The following ZNF684 variants were observed in gnomAD, a reference collection of about 807,000 sequenced individuals.
ZNF684 encodes hypothetical protein MGC27466.
In ZNF684, 13 loss-of-function variants were observed where a neutral mutation model predicts 12.8. That is an observed-to-expected ratio of 1.02 (90% CI 0.66 to 1.62). The LOEUF (loss-of-function observed/expected upper bound fraction) is 1.62, where lower values mean the gene tolerates loss of function less well. ZNF684 is among the 40% of genes most tolerant of loss of function. The probability of loss-of-function intolerance (pLI) is 0.00; values close to 1 mark genes in which losing one functional copy is unlikely to be tolerated. For synonymous variants in ZNF684, 118 were observed against 151.8 expected, an observed-to-expected ratio of 0.78 and a Z score of 1.64; for missense variants, 384 against 446.9, an observed-to-expected ratio of 0.86 and a Z score of 1.27.
At chr1:40,535,945 CA>C (rs1645981516) in intron 2 of ZNF684, among the ~76,000 whole-genome samples, 1 of 152,172 alleles carries the variant, frequency 6.6e-6, no homozygotes, top group African/African-American at 2.4e-5. Flanking sequence ...ATTCTGTTTA[CA>C]AAAACAGGAG....
chr1:40,548,129 A>C lies in ZNF684; in HGVS notation c.*669A>C, dbSNP rs1292808669. The C allele has an allele frequency of 6.6e-6, 1 of 152,262 alleles. No homozygotes were observed. Among genetic ancestry groups the C allele is most frequent in the Non-Finnish European group, 1.5e-5 (1 of 68,056 alleles). 9.4% of individuals were successfully genotyped at this position (152,262 alleles called of 1,614,324 possible). A position where few individuals can be genotyped will look rare whatever the true frequency, so the allele number is the denominator to read the frequency against. ...CAGTAAGTATTCAGTTGAGGAAAAGAATTATTTAAATATGTAAATAAATAA... is the reference window on the plus strand; with the variant it reads ...CAGTAAGTATTCAGTTGAGGAAAAGCATTATTTAAATATGTAAATAAATAA... On this transcript the variant is annotated 3_prime_UTR_variant, in exon 5 of 5. Coordinates refer to ENST00000372699, the MANE Select transcript of ZNF684 (RefSeq NM_152373.4).
rs1432783276 is a variant in ZNF684, at chr1:40,538,328, A to T, written c.16-2258A>T. ...TTTTCAAGGTTCATCCATGTTGTAG[A>T]TGTACCAGTGCTTGATTCCTCTTTT... On this transcript the variant is annotated intron_variant, in intron 2 of 4. Coordinates refer to ENST00000372699, the MANE Select transcript of ZNF684 (RefSeq NM_152373.4). Among the ~76,000 whole-genome samples, 4 of 152,156 alleles carry T rather than the reference A, an allele frequency of 2.6e-5. No homozygotes were observed. In the East Asian group the frequency reaches 7.7e-4, roughly 29 times the overall value.
chr1:40,543,319 C>T (rs148922009), intron 4 of ZNF684, among the ~76,000 whole-genome samples: 18 of 152,220 alleles, frequency 1.2e-4, no homozygotes, highest in African/African-American at 4.3e-4. Flanking sequence ...TAAATTATCC[C>T]CTTTATAACC....
At chr1:40,544,154 C>T (rs1646031445) in intron 4 of ZNF684, among the ~76,000 whole-genome samples, 1 of 151,620 alleles carries the variant, frequency 6.6e-6, no homozygotes, top group Admixed American at 6.6e-5. Flanking sequence ...CCTGTCATAG[C>T]AATGTGGGAG....
chr1:40,539,309 A>G (rs146238339), intron 2 of ZNF684, among the ~76,000 whole-genome samples: 3,724 of 152,186 alleles, frequency 0.024, 151 homozygotes, highest in African/African-American at 0.086. Flanking sequence ...GATTACAGGC[A>G]TGAGCCACTG....
In ZNF684 at chr1:40,539,506, TAAAAG is replaced by T. The variant is rs1325051444; in HGVS notation, c.16-1070_16-1066del. 2.6e-5 allele frequency among the ~76,000 whole-genome samples: 4 copies of T among 151,760 alleles called. No individual in the cohort carries two copies. In the East Asian group the frequency reaches 5.8e-4, roughly 22 times the overall value. ...TGACACAGCAAGACCCTATATCAAA[TAAAAG>T]AAAAGAAAAAAGAAAAAACGTCGTT... On this transcript the variant is annotated intron_variant, in intron 2 of 4. Transcript: ENST00000372699.
At chr1:40,533,519 G>A (rs962787992) in intron 2 of ZNF684, among the ~76,000 whole-genome samples, 3 of 152,192 alleles carry the variant, frequency 2.0e-5, no homozygotes, top group Admixed American at 6.5e-5. Context: ...TTTCTAATGA[G>A]TTTTCACATA....
chr1:40,542,405 C>T (rs894928291), intron 4 of ZNF684, among the ~76,000 whole-genome samples: 13 of 152,082 alleles, frequency 8.5e-5, no homozygotes, highest in African/African-American at 2.4e-4. Context: ...TGTCTTGTAG[C>T]GCAACTTTCT....
intron 2 of ZNF684, among the ~76,000 whole-genome samples, chr1:40,536,121 C>T (rs1458978113): frequency 6.6e-6 from 1 of 152,090 alleles, no homozygotes; most frequent in African/African-American, 2.4e-5. Flanking sequence ...TAGCCGGGTG[C>T]AGTGGCTCAC....
At chr1:40,543,542 C>T (rs182423892) in intron 4 of ZNF684, among the ~76,000 whole-genome samples, 229 of 151,726 alleles carry the variant, frequency 1.5e-3, no homozygotes, top group African/African-American at 5.2e-3. Flanking sequence ...CTGCAAGCTC[C>T]GCCTCCCGGG....
chr1:40,538,799 G>C (rs1442697002), intron 2 of ZNF684, among the ~76,000 whole-genome samples: 1 of 150,808 alleles, frequency 6.6e-6, no homozygotes, highest in Non-Finnish European at 1.5e-5. Context: ...CTCCAGCGTG[G>C]GTGACAGAGT....
rs959941154 is a variant in ZNF684, at chr1:40,546,868, C to G, written c.545C>G (p.Thr182Arg). 10 of 1,612,870 alleles carry G rather than the reference C, an allele frequency of 6.2e-6. No homozygotes were observed. The Middle Eastern group carries it at 4.9e-4, about 80-fold the overall frequency. The change falls in exon 5 of 5, where the codon ACA becomes AGA. Residue 182 changes from threonine (T) to arginine (R), a missense_variant. Thr to Arg is a moderately conservative substitution (Grantham distance 71). Transcript: ENST00000372699. ...TTCATTAGACATGAAAAAAATCATACAAGGAAAAAACCTTTTGAATGCAAT... is the reference window on the plus strand; with the variant it reads ...TTCATTAGACATGAAAAAAATCATAGAAGGAAAAAACCTTTTGAATGCAAT... ...FHFIRHEKNH[T>R]RKKPFECNDC...
At position 40,541,601 on chromosome 1, in the gene ZNF684, T is replaced by A; in HGVS notation, c.143-14T>A. ...CACTTTGGCCCCACTTCTATGCTGT[T>A]TTCCCACCAACAGGATGTCCAATTA... On this transcript the variant is annotated splice_polypyrimidine_tract_variant and intron_variant, in intron 3 of 4. Coordinates refer to ENST00000372699, the MANE Select transcript of ZNF684 (RefSeq NM_152373.4). 6.2e-7 allele frequency: 1 copy of A among 1,610,672 alleles called. No homozygotes were observed. The highest frequency in any genetic ancestry group is 8.5e-7 in the Non-Finnish European group (1 of 1,177,834).
chr1:40,543,199 TGTTTA>T (rs1458705586), intron 4 of ZNF684, among the ~76,000 whole-genome samples: 5 of 152,232 alleles, frequency 3.3e-5, no homozygotes, highest in Non-Finnish European at 7.3e-5. Flanking sequence ...GTATCTAGAC[TGTTTA>T]TGTTACTGTT....
intron 2 of ZNF684, among the ~76,000 whole-genome samples, chr1:40,537,480 C>T (rs1222215648): frequency 6.6e-6 from 1 of 152,206 alleles, no homozygotes; most frequent in East Asian, 1.9e-4. Flanking sequence ...TGGCTCATAC[C>T]TGTAATCCCA....
Position 40,547,226 on chromosome 1 carries a change from TA to T in ZNF684, c.904del (p.Ile302SerfsTer46). The T allele has an allele frequency of 6.2e-7, 1 of 1,614,238 alleles. No individual in the cohort carries two copies. Among genetic ancestry groups the T allele is most frequent in the South Asian group, 1.1e-5 (1 of 91,090 alleles). Reference protein sequence around the residue: ...FHTGEKPYQCIICGKAFGNTS... With the variant: ...FHTGEKPYQCXICGKAFGNTS... ...ATACAGGAGAGAAACCCTACCAGTG[TA>T]TCATATGTGGCAAAGCTTTTGGCAA... On this transcript the variant is annotated frameshift_variant, in exon 5 of 5. Coordinates refer to ENST00000372699, the MANE Select transcript of ZNF684 (RefSeq NM_152373.4). LOFTEE classifies it low-confidence loss of function (END_TRUNC).
intron 2 of ZNF684, among the ~76,000 whole-genome samples, chr1:40,539,124 G>A (rs939871122): frequency 2.0e-5 from 3 of 151,474 alleles, no homozygotes; most frequent in African/African-American, 4.8e-5. Flanking sequence ...CCGCCTCTCG[G>A]GTTCAAGCAA....
In ZNF684 at chr1:40,533,567, G is replaced by A. The variant is rs1488768932; in HGVS notation, c.15+386G>A. 2.6e-5 allele frequency among the ~76,000 whole-genome samples: 4 copies of A among 152,174 alleles called. No homozygotes were observed. In the East Asian group the frequency reaches 5.8e-4, roughly 22 times the overall value. On this transcript the variant is annotated intron_variant, in intron 2 of 4. Transcript: ENST00000372699. ...AATAACATTCACAGCAGCAGCCTGC[G>A]ATAAATACAGCATCAGGTTTCCTAT...
rs1646056221 is a variant in ZNF684 at position 40,547,512 on chromosome 1, T to C, written c.*52T>C. 1.4e-6 allele frequency: 2 copies of C among 1,441,284 alleles called. No homozygotes were observed. The allele number at this position is 1,441,284 out of a possible 1,614,324, so 89.3% of individuals were successfully genotyped here. A position where few individuals can be genotyped will look rare whatever the true frequency, so the allele number is the denominator to read the frequency against. ...CTTATTAAATATTTGCTAAATCTTA[T>C]TAAATACTAAAGAATTCATGGTGAG... On this transcript the variant is annotated 3_prime_UTR_variant, in exon 5 of 5. Transcript: ENST00000372699.
Sources: gnomAD v4.1 joint callset for allele counts (sites outside exome capture counted in the v4.1 genomes callset) on GRCh38, gnomAD v4.1.1 for gene constraint, MANE v1.5 for transcripts, NCBI Gene and HGNC (gene_info 2026-07-23, HGNC 2026-07-21) for gene names.